The following KIAA1671 variants were observed in gnomAD, a reference collection of about 807,000 sequenced individuals.
The protein encoded by KIAA1671 is uncharacterized protein KIAA1671.
KIAA1671 carries 52 observed loss-of-function variants against 131.2 expected under a neutral mutation model. The observed-to-expected ratio is 0.40, with a 90% CI of 0.32 to 0.50. The LOEUF (loss-of-function observed/expected upper bound fraction) is 0.50, where lower values mean the gene tolerates loss of function less well. Ranked by LOEUF, KIAA1671 falls within the 20% of genes least tolerant of loss-of-function variation. KIAA1671 has a pLI of 0.73. For missense variants in KIAA1671, 2,360 were observed against 2,364.2 expected, an observed-to-expected ratio of 1.00 and a Z score of 0.04; for synonymous variants, 1,003 against 961.6, an observed-to-expected ratio of 1.04 and a Z score of -0.80.
At chr22:25,066,366 C>T (rs1012958545) in intron 6 of KIAA1671, among the ~76,000 whole-genome samples, 1 of 152,124 alleles carries the variant, frequency 6.6e-6, no homozygotes, top group African/African-American at 2.4e-5. Flanking sequence ...CCAAGCTGGT[C>T]TTGAACTTCT....
At chr22:25,037,762 T>G (rs1189032086) in intron 4 of KIAA1671, among the ~76,000 whole-genome samples, 1 of 152,188 alleles carries the variant, frequency 6.6e-6, no homozygotes, top group Admixed American at 6.6e-5. Flanking sequence ...TTATATAGCT[T>G]TTTGACTGGC....
intron 6 of KIAA1671, chr22:25,059,300 C>G (rs1928025912): frequency 1.3e-5 from 2 of 152,068 alleles, no homozygotes; most frequent in African/African-American, 4.8e-5. Flanking sequence ...AACCCCGTTT[C>G]TACTAAAAAT....
chr22:25,182,679 C>T (rs1232316825), intron 10 of KIAA1671, among the ~76,000 whole-genome samples: 2 of 152,180 alleles, frequency 1.3e-5, no homozygotes, highest in African/African-American at 2.4e-5. Flanking sequence ...GACTCTCCTC[C>T]GCCCCCAAAC....
intron 11 of KIAA1671, among the ~76,000 whole-genome samples, chr22:25,190,038 G>A (rs1264986995): frequency 6.6e-6 from 1 of 152,174 alleles, no homozygotes; most frequent in African/African-American, 2.4e-5. Context: ...CAGACCAGGG[G>A]TATAGGGGGG....
intron 1 of KIAA1671, chr22:25,012,771 G>A (rs1393944209): frequency 6.6e-6 from 1 of 152,224 alleles, no homozygotes; most frequent in Non-Finnish European, 1.5e-5. Flanking sequence ...ATTGGGAGAT[G>A]AGCAGATGAT....
rs1162413118 is a variant in KIAA1671, at chr22:25,029,450, G to C, written c.1451G>C (p.Arg484Thr). ...GTTGTGAGCGTTCAGGAACGGATCAGAGGCTGGACTGCCGAGAGCTCAGAG... is the reference window on the plus strand; with the variant it reads ...GTTGTGAGCGTTCAGGAACGGATCACAGGCTGGACTGCCGAGAGCTCAGAG... ...KGVVSVQERI[R>T]GWTAESSEAK... Residue 484 changes from arginine to threonine, a missense_variant, in exon 3 of 13, where the codon AGA (arginine) becomes ACA (threonine). Around this residue, in one of 3 missense-constraint regions of KIAA1671, gnomAD observed 1,185 missense variants for 1,126.2 expected, o/e 1.05. Coordinates refer to ENST00000358431, the MANE Select transcript of KIAA1671 (RefSeq NM_001145206.2). 27 of 1,551,336 alleles carry C rather than the reference G, an allele frequency of 1.7e-5. No individual in the cohort carries two copies. In the African/African-American group the frequency reaches 3.6e-4, roughly 20 times the overall value.
At chr22:24,993,099 T>C (rs1923934941) in intron 1 of KIAA1671, among the ~76,000 whole-genome samples, 1 of 152,038 alleles carries the variant, frequency 6.6e-6, no homozygotes, top group Non-Finnish European at 1.5e-5. Flanking sequence ...TAATCTGCCT[T>C]GAAGCCAGCA....
chr22:25,016,831 C>A (rs1276348126), intron 1 of KIAA1671, among the ~76,000 whole-genome samples: 3 of 152,120 alleles, frequency 2.0e-5, no homozygotes, highest in Non-Finnish European at 4.4e-5. Flanking sequence ...TTCTTAGATT[C>A]ACCCAGGAAG....
At chr22:25,015,964 C>T (rs1602068731) in intron 1 of KIAA1671, among the ~76,000 whole-genome samples, 2 of 152,278 alleles carry the variant, frequency 1.3e-5, no homozygotes, top group East Asian at 3.9e-4. Context: ...TGATTTAACT[C>T]CCTCAACTAT....
In KIAA1671 at chr22:25,157,066, C is replaced by T. The variant is rs573750467; in HGVS notation, c.4531-13754C>T. ...TGGGCTTAGTCTGTTTTAAGAATCC[C>T]TCCAAGAGGAGCCAAGTTGGGATCA... On this transcript the variant is annotated intron_variant, in intron 6 of 12. Coordinates refer to ENST00000358431, the MANE Select transcript of KIAA1671 (RefSeq NM_001145206.2). Among the ~76,000 whole-genome samples the T allele has an allele frequency of 6.1e-4, 93 of 152,270 alleles. 2 individuals are homozygous for T. In the South Asian group the frequency reaches 0.019, roughly 31 times the overall value.
intron 6 of KIAA1671, among the ~76,000 whole-genome samples, chr22:25,087,320 C>A (rs1454069729): frequency 6.6e-6 from 1 of 152,200 alleles, no homozygotes; most frequent in Admixed American, 6.5e-5. Flanking sequence ...CACAGTGGCT[C>A]ATGCCTGTAA....
intron 6 of KIAA1671, among the ~76,000 whole-genome samples, chr22:25,163,331 A>AT (rs132895): frequency 0.047 from 2,610 of 55,512 alleles, 117 homozygotes; most frequent in Middle Eastern, 0.06. Context: ...ATTGCCTCAA[A>AT]TTTTTTTTTT....
At chr22:24,955,748 A>C (rs1569190843) in intron 1 of KIAA1671, among the ~76,000 whole-genome samples, 13 of 152,168 alleles carry the variant, frequency 8.5e-5, no homozygotes. Flanking sequence ...GTGAGAGGCC[A>C]GGCGCGGTGG....
chr22:24,999,740 T>C (rs1204973045), intron 1 of KIAA1671, among the ~76,000 whole-genome samples: 1 of 146,920 alleles, frequency 6.8e-6, no homozygotes, highest in Non-Finnish European at 1.5e-5. Flanking sequence ...CTGTTCAGTT[T>C]TTTGCAAAGA....
intron 6 of KIAA1671, among the ~76,000 whole-genome samples, chr22:25,170,523 A>G (rs953491907): frequency 6.6e-6 from 1 of 152,246 alleles, no homozygotes; most frequent in Non-Finnish European, 1.5e-5. Flanking sequence ...AGAGAGGGCC[A>G]TTGAGGTGGG....
intron 9 of KIAA1671, among the ~76,000 whole-genome samples, chr22:25,179,737 T>A (rs550754820): frequency 1.6e-4 from 24 of 152,242 alleles, no homozygotes; most frequent in Non-Finnish European, 3.4e-4. Context: ...CATAGCTTAA[T>A]AAGGTTTTAC....
chr22:25,016,939 T>C (rs1925358610), intron 1 of KIAA1671, among the ~76,000 whole-genome samples: 2 of 152,184 alleles, frequency 1.3e-5, no homozygotes, highest in South Asian at 4.1e-4. Flanking sequence ...GATTGGCCTA[T>C]AGGCGGTGTG....
chr22:24,978,395 A>G (rs2092181), intron 1 of KIAA1671, among the ~76,000 whole-genome samples: 68,770 of 151,972 alleles, frequency 0.45, 17,560 homozygotes, highest in East Asian at 0.82. Flanking sequence ...GGAACTGTAA[A>G]TCCAATTAAA....
chr22:25,088,594 C>A (rs1601299353), intron 6 of KIAA1671, among the ~76,000 whole-genome samples: 1 of 152,216 alleles, frequency 6.6e-6, no homozygotes. Flanking sequence ...TTTAAGTCAC[C>A]TTTTTAGGGA....
Sources: allele counts gnomAD v4.1 joint callset (sites outside exome capture counted in the v4.1 genomes callset), GRCh38; gene constraint gnomAD v4.1.1; regional missense constraint gnomAD v4.1.1; transcripts MANE v1.5; gene names NCBI Gene and HGNC (gene_info 2026-07-23, HGNC 2026-07-21).